The following EDARADD variants were observed in gnomAD, a reference collection of about 807,000 sequenced individuals.
The protein encoded by EDARADD is ectodysplasin-A receptor-associated adapter protein.
A neutral mutation model predicts 25.6 loss-of-function variants in EDARADD; 20 were observed. The observed-to-expected ratio is 0.78, with a 90% confidence interval of 0.55 to 1.14. The LOEUF is 1.14. Ranked by LOEUF, EDARADD falls within the 50% of genes most tolerant of loss-of-function variation. EDARADD has a pLI of 0.00. For synonymous variants in EDARADD, 86 were observed against 94.4 expected (o/e 0.91, Z 0.52); for missense variants, 225 against 270.1 (o/e 0.83, Z 1.17).
Position 236,483,924 on chromosome 1 carries a change from T to C in EDARADD, c.*1275T>C, listed in dbSNP as rs1261973530. On this transcript the variant is annotated 3_prime_UTR_variant, in exon 6 of 6. Transcript: ENST00000334232. ...CGTAGAGGCCTCCGAGTTCTTCAGGTCTGGAAAGTATGACCTGGAATTCAA... is the reference window on the plus strand; with the variant it reads ...CGTAGAGGCCTCCGAGTTCTTCAGGCCTGGAAAGTATGACCTGGAATTCAA... 33 of 1,379,436 alleles carry C rather than the reference T, an allele frequency of 2.4e-5. No individual in the cohort carries two copies. Among genetic ancestry groups the C allele is most frequent in the Non-Finnish European group, 3.1e-5 (30 of 969,022 alleles). The allele number at this position is 1,379,436 out of a possible 1,614,324, so 85.4% of individuals were successfully genotyped here.
intron 3 of EDARADD, among the ~76,000 whole-genome samples, chr1:236,420,225 A>G (rs983253740): frequency 3.9e-5 from 6 of 152,204 alleles, no homozygotes; most frequent in Non-Finnish European, 7.3e-5. Context: ...CTGCTAATGA[A>G]GGTAAAAATC....
At chr1:236,413,072 G>C (rs641841) in intron 2 of EDARADD, among the ~76,000 whole-genome samples, 151,565 of 152,314 alleles carry the variant, frequency 1, 75,414 homozygotes, top group Middle Eastern at 1. Flanking sequence ...CCATGTTGGC[G>C]AGGCTGGTCT....
rs1230501649 is a variant in EDARADD at position 236,396,512 on chromosome 1, CT to C, written c.61+2008del. Among the ~76,000 whole-genome samples, 5 of 152,108 alleles carry C rather than the reference CT, an allele frequency of 3.3e-5. No individual in the cohort carries two copies. The East Asian group carries it at 7.7e-4, about 23-fold the overall frequency. ...ATAACCGTTTAGATAAACGCGTTTCCTATTTCATTTCTTGAGCTTGGGCAGG... is the reference window on the plus strand; with the variant it reads ...ATAACCGTTTAGATAAACGCGTTTCCATTTCATTTCTTGAGCTTGGGCAGG... On this transcript the variant is annotated intron_variant, in intron 1 of 5. Coordinates refer to ENST00000334232, the MANE Select transcript of EDARADD (RefSeq NM_145861.4).
intron 4 of EDARADD, among the ~76,000 whole-genome samples, chr1:236,428,366 A>G (rs964182817): frequency 1.3e-5 from 2 of 152,182 alleles, no homozygotes; most frequent in African/African-American, 4.8e-5. Flanking sequence ...TCCTATGTCT[A>G]CTTCTTTCCA....
intron 4 of EDARADD, among the ~76,000 whole-genome samples, chr1:236,429,276 G>A (rs953863387): frequency 6.7e-6 from 1 of 148,902 alleles, no homozygotes; most frequent in Non-Finnish European, 1.5e-5. Flanking sequence ...GTGCGATCTC[G>A]GCTCACTGTA....
chr1:236,373,210 C>T (rs1048171318), intron 3 of EDARADD, among the ~76,000 whole-genome samples: 11 of 147,940 alleles, frequency 7.4e-5, no homozygotes, highest in East Asian at 6.1e-4. Flanking sequence ...CCACCATGCC[C>T]AGCCTTCTTT....
intron 3 of EDARADD, among the ~76,000 whole-genome samples, chr1:236,420,772 C>T (rs1657762891): frequency 6.6e-6 from 1 of 151,824 alleles, no homozygotes; most frequent in Admixed American, 6.6e-5. Flanking sequence ...GATGGAGTCT[C>T]GCTCTGTCAC....
chr1:236,461,439 T>C (rs1659035822), intron 4 of EDARADD, among the ~76,000 whole-genome samples: 1 of 152,226 alleles, frequency 6.6e-6, no homozygotes. Context: ...CTTGGCACCT[T>C]CGTCAAAAAT....
At chr1:236,426,053 C>G (rs1657911707) in intron 3 of EDARADD, among the ~76,000 whole-genome samples, 1 of 152,000 alleles carries the variant, frequency 6.6e-6, no homozygotes, top group Non-Finnish European at 1.5e-5. Flanking sequence ...TCGATCAGAG[C>G]TCACTGCAGC....
intron 3 of EDARADD, 67 bp downstream of exon 3, chr1:236,414,366 G>A (rs1419758946): frequency 1.1e-5 from 14 of 1,307,934 alleles, no homozygotes; most frequent in South Asian, 3.8e-5. Flanking sequence ...AGCACTAGTC[G>A]ACCTAATTTT....
chr1:236,396,336 T>C, intron 1 of EDARADD, among the ~76,000 whole-genome samples: 1 of 152,118 alleles, frequency 6.6e-6, no homozygotes, highest in East Asian at 1.9e-4. Flanking sequence ...TTCCTGGAGT[T>C]CTCTCTCTCC....
chr1:236,398,211 G>A lies in EDARADD; in HGVS notation c.61+3706G>A, dbSNP rs1667554677. 6.6e-6 allele frequency among the ~76,000 whole-genome samples: 1 copy of A among 152,128 alleles called. No homozygotes were observed. Among genetic ancestry groups the A allele is most frequent in the African/African-American group, 2.4e-5 (1 of 41,490 alleles). ...GTGATCCCCACTCACTGCAACCTCCGCCTCCCGGGTTCAAGAGATTCTCCT... is the reference window on the plus strand; with the variant it reads ...GTGATCCCCACTCACTGCAACCTCCACCTCCCGGGTTCAAGAGATTCTCCT... On this transcript the variant is annotated intron_variant, in intron 1 of 5. Coordinates refer to ENST00000334232, the MANE Select transcript of EDARADD (RefSeq NM_145861.4). This position sits in a 1 kb window ranked among gnomAD's most constrained non-coding sequence, Gnocchi z 4.1.
intron 2 of EDARADD, among the ~76,000 whole-genome samples, chr1:236,414,059 A>T (rs1657569449): frequency 6.6e-6 from 1 of 152,248 alleles, no homozygotes; most frequent in East Asian, 1.9e-4. Context: ...ATGTTCCAGC[A>T]TTAACCTCTT....
chr1:236,378,473 TGG>T (rs1055476369), intron 3 of EDARADD, among the ~76,000 whole-genome samples: 2 of 152,168 alleles, frequency 1.3e-5, no homozygotes, highest in African/African-American at 4.8e-5. Flanking sequence ...CCATCAGTTG[TGG>T]GTCTCTATAT....
At chr1:236,405,881 CTTTCTTTCTTTCT>C (rs1558112866) in intron 1 of EDARADD, among the ~76,000 whole-genome samples, 229 of 34,300 alleles carry the variant, frequency 6.7e-3, no homozygotes, top group African/African-American at 0.02. Context: ...TTCCTTCTTT[CTTTCTTTCTTTCT>C]TTCTTTCTTT....
At chr1:236,353,610 G>A (rs752977141) in intron 3 of EDARADD, among the ~76,000 whole-genome samples, 4 of 149,226 alleles carry the variant, frequency 2.7e-5, no homozygotes, top group South Asian at 2.1e-4. Context: ...CCCGGGAGGC[G>A]GAGGTTGCAG....
At chr1:236,411,740 G>A (rs530890716) in intron 2 of EDARADD, among the ~76,000 whole-genome samples, 5 of 152,014 alleles carry the variant, frequency 3.3e-5, no homozygotes, top group South Asian at 2.1e-4. Flanking sequence ...TAGTAGAGAC[G>A]GGGTTTCACC....
chr1:236,389,617 G>A (rs1289120797), upstream of EDARADD, among the ~76,000 whole-genome samples: 2 of 152,142 alleles, frequency 1.3e-5, no homozygotes, highest in Non-Finnish European at 2.9e-5. Context: ...CTGTCCCTCT[G>A]TTGACATTTT....
At position 236,482,293 on chromosome 1, in the gene EDARADD, G is replaced by C; in HGVS notation, c.292G>C (p.Glu98Gln). The change falls in exon 6 of 6, where the codon GAA becomes CAA. Residue 98 changes from glutamate (E) to glutamine (Q), a missense_variant. Glu to Gln is a conservative substitution (Grantham distance 29). Transcript: ENST00000334232. The stretch of plus-strand genomic sequence containing the variant: ...GATCAGCAAGGACAACTCCTGCAAA[G>C]AAAACTGTACTTGTTCCTCCTGCTT... ...PEISKDNSCKENCTCSSCLLR... is the reference protein window; with the variant it reads ...PEISKDNSCKQNCTCSSCLLR... The C allele has an allele frequency of 6.2e-7, 1 of 1,614,110 alleles. No individual in the cohort carries two copies. Among genetic ancestry groups the C allele is most frequent in the South Asian group, 1.1e-5 (1 of 91,082 alleles).
Sources: allele counts gnomAD v4.1 joint callset (sites outside exome capture counted in the v4.1 genomes callset), GRCh38; gene constraint gnomAD v4.1.1; non-coding constraint Gnocchi (gnomAD v3.1); transcripts MANE v1.5; gene names NCBI Gene and HGNC (gene_info 2026-07-23, HGNC 2026-07-21).